CLASP2: variants seen among roughly 807,000 people sequenced by gnomAD.
The protein encoded by CLASP2 is cytoplasmic linker associated protein 2, also known as CLIP-associating protein 2.
In CLASP2, 47 loss-of-function variants were observed where a neutral mutation model predicts 194.4. That is an observed-to-expected ratio of 0.24 (90% confidence interval 0.19 to 0.31). The LOEUF (loss-of-function observed/expected upper bound fraction) is 0.31, where lower values mean the gene tolerates loss of function less well. CLASP2 is among the 10% of genes least tolerant of loss of function. The pLI, the probability that CLASP2 is intolerant of heterozygous loss-of-function variation, is 1.00. For missense variants in CLASP2, 1,445 were observed against 1,823.6 expected (o/e 0.79, Z 3.78); for synonymous variants, 619 against 633.5 (o/e 0.98, Z 0.34).
At chr3:33,602,499 A>G (rs1171769159) in intron 18 of CLASP2, 1 of 748,306 alleles carries the variant, frequency 1.3e-6, no homozygotes, top group Admixed American at 1.8e-5. Flanking sequence ...GAAGAAATCA[A>G]ACTGAATAGA....
intron 21 of CLASP2, among the ~76,000 whole-genome samples, chr3:33,585,496 G>C (rs1431112996): frequency 1.3e-5 from 2 of 152,132 alleles, no homozygotes; most frequent in African/African-American, 4.8e-5. Flanking sequence ...GTAGGCAACT[G>C]TAACACAATG....
intron 6 of CLASP2, among the ~76,000 whole-genome samples, chr3:33,673,063 C>T (rs1471253705): frequency 6.6e-6 from 1 of 152,068 alleles, no homozygotes; most frequent in Non-Finnish European, 1.5e-5. Flanking sequence ...CAAGGCAGGC[C>T]AACATTCAGA....
chr3:33,527,159 T>G (rs1425315683), intron 34 of CLASP2, among the ~76,000 whole-genome samples: 2 of 152,098 alleles, frequency 1.3e-5, no homozygotes, highest in African/African-American at 2.4e-5. Flanking sequence ...ACAAAACATC[T>G]TTCAAAAGAT....
At chr3:33,571,015 ATTTTT>A (rs1027731514) in intron 25 of CLASP2, among the ~76,000 whole-genome samples, 1 of 123,938 alleles carries the variant, frequency 8.1e-6, no homozygotes, top group Non-Finnish European at 1.7e-5. Flanking sequence ...GTCTCTATAA[ATTTTT>A]TTTTTTTTTT....
rs376025407 is a variant in CLASP2, at chr3:33,642,125, G to A, written c.862+2632C>T. On this transcript the variant is annotated intron_variant, in intron 8 of 38. Coordinates refer to ENST00000682230, the MANE Select transcript of CLASP2 (RefSeq NM_001365631.1). ...AATTTGTTTATTCAGAACTGAAATG[G>A]GCTTGTTTCTGGAAAATACTTTGCC... Among the ~76,000 whole-genome samples, 20 of 151,952 alleles carry A rather than the reference G, an allele frequency of 1.3e-4. No homozygotes were observed. In the East Asian group the frequency reaches 3.5e-3, roughly 26 times the overall value.
chr3:33,660,827 C>T (rs2085193712), intron 7 of CLASP2, among the ~76,000 whole-genome samples: 1 of 152,164 alleles, frequency 6.6e-6, no homozygotes, highest in Non-Finnish European at 1.5e-5. Context: ...AAAATGTTTT[C>T]CTGTTTCTAT....
At position 33,658,912 on chromosome 3, in the gene CLASP2, G is replaced by T. The variant is rs1459409416; in HGVS notation, c.715+4533C>A. 5 of 1,396,362 alleles carry T rather than the reference G, an allele frequency of 3.6e-6. No individual in the cohort carries two copies. In the African/African-American group the frequency reaches 7.1e-5, roughly 20 times the overall value. 86.5% of individuals were successfully genotyped at this position (1,396,362 alleles called of 1,614,324 possible). ...GAAATATATTTCTTACACAGCAAATGATCGTCACCTTAAAAGGAAGTGTAT... is the reference window on the plus strand; with the variant it reads ...GAAATATATTTCTTACACAGCAAATTATCGTCACCTTAAAAGGAAGTGTAT... On this transcript the variant is annotated intron_variant, in intron 7 of 38. Coordinates refer to ENST00000682230, the MANE Select transcript of CLASP2 (RefSeq NM_001365631.1).
intron 37 of CLASP2, among the ~76,000 whole-genome samples, chr3:33,509,919 T>C (rs993321419): frequency 6.6e-6 from 1 of 152,176 alleles, no homozygotes; most frequent in Non-Finnish European, 1.5e-5. Context: ...TAGATGTATA[T>C]ATATAAGTGC....
chr3:33,570,707 T>A lies in CLASP2; in HGVS notation c.2763+20A>T, dbSNP rs747991000. ...AATGATACCCTATAGAAATAAATAA[T>A]CTTAAATACTAAAACATACCTTGCC... On this transcript the variant is annotated intron_variant, in intron 26 of 38. Coordinates refer to ENST00000682230, the MANE Select transcript of CLASP2 (RefSeq NM_001365631.1). 2.5e-6 allele frequency: 4 copies of A among 1,585,134 alleles called. No homozygotes were observed. Among genetic ancestry groups the A allele is most frequent in the East Asian group, 2.3e-5 (1 of 43,702 alleles).
At chr3:33,581,734 A>G in intron 23 of CLASP2, 87 bp downstream of exon 23, 2 of 854,850 alleles carry the variant, frequency 2.3e-6, no homozygotes, top group African/African-American at 1.7e-5. Flanking sequence ...GTCGACAAAG[A>G]AAGCTAAATC....
chr3:33,586,143 T>C (rs767599434), intron 21 of CLASP2, among the ~76,000 whole-genome samples: 2 of 151,916 alleles, frequency 1.3e-5, no homozygotes, highest in African/African-American at 2.4e-5. Flanking sequence ...TCTTTTCTTT[T>C]TTCCCCCCCG....
chr3:33,653,900 C>T (rs1036614158), intron 7 of CLASP2, among the ~76,000 whole-genome samples: 1 of 151,848 alleles, frequency 6.6e-6, no homozygotes, highest in African/African-American at 2.4e-5. Flanking sequence ...GCACTGGAAT[C>T]CCAATAAAAT....
chr3:33,539,065 T>G (rs530059347), intron 32 of CLASP2, 123 bp from the exon 33 acceptor site: 10 of 690,438 alleles, frequency 1.4e-5, no homozygotes, highest in Non-Finnish European at 1.9e-5. Context: ...CAGAGCATAA[T>G]TAGCAAAATA....
chr3:33,546,083 T>C lies in CLASP2; in HGVS notation c.3154-1242A>G, dbSNP rs570067187. Among the ~76,000 whole-genome samples, 197 of 152,304 alleles carry C rather than the reference T, an allele frequency of 1.3e-3. 1 individual carries two copies. Among genetic ancestry groups the C allele is most frequent in the African/African-American group, 4.6e-3 (193 of 41,564 alleles). On this transcript the variant is annotated intron_variant, in intron 30 of 38. Coordinates refer to ENST00000682230, the MANE Select transcript of CLASP2 (RefSeq NM_001365631.1). ...CATACTTTTTTTTGGAACCACCACATTGAATGGACCACAAGTAAACTTGAG... is the reference window on the plus strand; with the variant it reads ...CATACTTTTTTTTGGAACCACCACACTGAATGGACCACAAGTAAACTTGAG...
Position 33,606,784 on chromosome 3 carries a change from G to A in CLASP2, c.1527-26C>T, listed in dbSNP as rs373880740. On this transcript the variant is annotated intron_variant, in intron 15 of 38. Coordinates refer to ENST00000682230, the MANE Select transcript of CLASP2 (RefSeq NM_001365631.1). ...CTGTTAAAAAAAAAGAAAAGCAGAT[G>A]AAGTAATAGCTTTACATAATTAGAC... is the stretch of plus-strand genomic sequence containing the variant. The A allele has an allele frequency of 8.3e-5, 127 of 1,538,418 alleles. 1 individual carries two copies. The South Asian group carries it at 1.4e-3, about 17-fold the overall frequency.
intron 18 of CLASP2, chr3:33,602,681 G>T: frequency 1.4e-6 from 1 of 700,036 alleles, no homozygotes; most frequent in Non-Finnish European, 2.6e-6. Flanking sequence ...CCAGTGGCTA[G>T]ATGTGGTAGA....
intron 38 of CLASP2, 39 bp from the exon 39 acceptor site, chr3:33,498,756 T>G: frequency 7.5e-7 from 1 of 1,330,852 alleles, no homozygotes; most frequent in South Asian, 1.2e-5. Flanking sequence ...TTGAGCAAGC[T>G]GCTCCAAATT....
chr3:33,717,204 T>C (rs550375058), intron 1 of CLASP2, among the ~76,000 whole-genome samples: 1 of 152,306 alleles, frequency 6.6e-6, no homozygotes, highest in East Asian at 1.9e-4. Flanking sequence ...TGGGTAGTGT[T>C]TACACAGGTG....
intron 1 of CLASP2, among the ~76,000 whole-genome samples, chr3:33,713,431 AT>A (rs1481914434): frequency 6.6e-6 from 1 of 152,178 alleles, no homozygotes; most frequent in Non-Finnish European, 1.5e-5. Context: ...GTTCACCTAT[AT>A]GGCAGGTAAA....
Sources: gnomAD v4.1 joint callset for allele counts (sites outside exome capture counted in the v4.1 genomes callset) on GRCh38, gnomAD v4.1.1 for gene constraint, MANE v1.5 for transcripts, NCBI Gene and HGNC (gene_info 2026-07-23, HGNC 2026-07-21) for gene names.